The following SUGCT variants were observed in gnomAD, a reference collection of about 807,000 sequenced individuals.
The protein encoded by SUGCT is succinyl-CoA:glutarate CoA-transferase.
A neutral mutation model predicts 55.0 loss-of-function variants in SUGCT; 41 were observed. That is an observed-to-expected ratio of 0.74 (90% CI 0.58 to 0.97). The LOEUF (loss-of-function observed/expected upper bound fraction) is 0.97, where lower values mean the gene tolerates loss of function less well. SUGCT is among the 50% of genes least tolerant of loss of function. The pLI is 0.00. For missense variants in SUGCT, 568 were observed against 547.8 expected, an observed-to-expected ratio of 1.04 and a Z score of -0.37; for synonymous variants, 187 against 200.4, an observed-to-expected ratio of 0.93 and a Z score of 0.56.
chr7:40,754,840 T>C (rs1397920771), intron 13 of SUGCT, among the ~76,000 whole-genome samples: 1 of 152,236 alleles, frequency 6.6e-6, no homozygotes, highest in Non-Finnish European at 1.5e-5. Context: ...TTTAAATTTG[T>C]GTACATCATT....
chr7:40,805,402 T>C (rs1191451474), intron 13 of SUGCT, among the ~76,000 whole-genome samples: 1 of 152,146 alleles, frequency 6.6e-6, no homozygotes, highest in Admixed American at 6.5e-5. Flanking sequence ...TCTGGGTGTG[T>C]CCAAGGGCAG....
chr7:40,751,498 G>C (rs1788010379), intron 13 of SUGCT, among the ~76,000 whole-genome samples: 1 of 152,182 alleles, frequency 6.6e-6, no homozygotes. Flanking sequence ...ATAAGTCTTT[G>C]AGTATTAGAT....
chr7:40,461,100 T>A (rs1402552907), intron 11 of SUGCT, among the ~76,000 whole-genome samples: 1 of 152,226 alleles, frequency 6.6e-6, no homozygotes, highest in African/African-American at 2.4e-5. Context: ...AGCACGTCTC[T>A]CTTCCTCCAC....
the SUGCT span, among the ~76,000 whole-genome samples, chr7:41,017,634 G>A: frequency 6.6e-6 from 1 of 152,066 alleles, no homozygotes; most frequent in Non-Finnish European, 1.5e-5. Context: ...AGCCGGGCGT[G>A]GTGGCGGGTG....
the SUGCT span, among the ~76,000 whole-genome samples, chr7:41,017,777 A>AG: frequency 6.6e-6 from 1 of 151,668 alleles, no homozygotes; most frequent in Non-Finnish European, 1.5e-5. Context: ...TCTCAAAAAA[A>AG]AAAAAAAAGA....
intron 7 of SUGCT, among the ~76,000 whole-genome samples, chr7:40,248,160 C>T (rs375971360): frequency 4.6e-5 from 7 of 151,728 alleles, no homozygotes; most frequent in East Asian, 1.9e-4. Context: ...TACAGGCATG[C>T]GCCACCATGC....
intron 9 of SUGCT, chr7:40,388,075 A>G (rs1034865829): frequency 1.3e-5 from 2 of 152,222 alleles, no homozygotes; most frequent in Non-Finnish European, 2.9e-5. Context: ...TGTCGCTTAC[A>G]TGTCTGCACA....
intron 9 of SUGCT, among the ~76,000 whole-genome samples, chr7:40,329,594 A>G (rs1350855645): frequency 6.6e-6 from 1 of 152,182 alleles, no homozygotes; most frequent in African/African-American, 2.4e-5. Context: ...TCCTAGTGAC[A>G]CTGAGTAGTC....
chr7:40,188,161 C>A (rs190709227), intron 3 of SUGCT, among the ~76,000 whole-genome samples: 1 of 151,924 alleles, frequency 6.6e-6, no homozygotes, highest in African/African-American at 2.4e-5. Context: ...TGGATGGGCG[C>A]GGTGGCTCAC....
chr7:40,527,184 T>C (rs1405110071), intron 12 of SUGCT, among the ~76,000 whole-genome samples: 1 of 152,228 alleles, frequency 6.6e-6, no homozygotes, highest in African/African-American at 2.4e-5. Context: ...CCAAAAAGGT[T>C]CTGTGTGATC....
rs192423271 is a variant in SUGCT at position 40,280,741 on chromosome 7, T to C, written c.720+6085T>C. On this transcript the variant is annotated intron_variant, in intron 8 of 13. Coordinates refer to ENST00000335693, the MANE Select transcript of SUGCT (RefSeq NM_001193313.2). ...GTTTCTGCTTTTTTAAGCAACTCTGTATCATTTTTTTAAACAATTTTATTG... is the reference window on the plus strand; with the variant it reads ...GTTTCTGCTTTTTTAAGCAACTCTGCATCATTTTTTTAAACAATTTTATTG... Among the ~76,000 whole-genome samples the C allele has an allele frequency of 2.0e-5, 3 of 152,332 alleles. No homozygotes were observed. In the East Asian group the frequency reaches 5.8e-4, roughly 29 times the overall value.
chr7:40,663,410 G>C (rs1016343955), intron 12 of SUGCT, among the ~76,000 whole-genome samples: 2 of 149,500 alleles, frequency 1.3e-5, no homozygotes, highest in Admixed American at 1.3e-4. Context: ...TTCTCTCGTT[G>C]GTCTCCATCT....
intron 13 of SUGCT, among the ~76,000 whole-genome samples, chr7:40,837,298 G>A (rs1793037583): frequency 6.6e-6 from 1 of 152,056 alleles, no homozygotes. Flanking sequence ...TTTTACTCGA[G>A]TTTTGAGAAA....
At chr7:40,966,848 C>G in the SUGCT span, 3 of 152,164 alleles carry the variant, frequency 2.0e-5, no homozygotes, top group Non-Finnish European at 4.4e-5. Context: ...GAAAATGACT[C>G]ATGGTTTGGT....
intron 3 of SUGCT, among the ~76,000 whole-genome samples, chr7:40,183,905 G>A (rs1785353915): frequency 6.6e-6 from 1 of 152,142 alleles, no homozygotes. Context: ...CGGGCATGGT[G>A]GTTCACGCCT....
At chr7:40,806,874 G>A (rs1791125244) in intron 13 of SUGCT, among the ~76,000 whole-genome samples, 1 of 152,178 alleles carries the variant, frequency 6.6e-6, no homozygotes, top group African/African-American at 2.4e-5. Context: ...GTATCTCAGA[G>A]GATGCAGCAT....
At chr7:40,853,307 ATTTG>A (rs1239414038) in intron 13 of SUGCT, among the ~76,000 whole-genome samples, 1 of 152,162 alleles carries the variant, frequency 6.6e-6, no homozygotes, top group African/African-American at 2.4e-5. Flanking sequence ...GTTAGCAATT[ATTTG>A]TTCAACAAAT....
At chr7:40,594,099 C>T (rs1199097366) in intron 12 of SUGCT, among the ~76,000 whole-genome samples, 1 of 151,946 alleles carries the variant, frequency 6.6e-6, no homozygotes, top group Non-Finnish European at 1.5e-5. Context: ...ACCGCATATT[C>T]TCAGTCATAG....
intron 12 of SUGCT, among the ~76,000 whole-genome samples, chr7:40,550,977 CTCTTG>C (rs895179549): frequency 6.6e-6 from 1 of 152,156 alleles, no homozygotes; most frequent in African/African-American, 2.4e-5. Flanking sequence ...CTTCTCTTTT[CTCTTG>C]TCTTGTCAGG....
Sources: gnomAD v4.1 joint callset for allele counts (sites outside exome capture counted in the v4.1 genomes callset) on GRCh38, gnomAD v4.1.1 for gene constraint, MANE v1.5 for transcripts, NCBI Gene and HGNC (gene_info 2026-07-23, HGNC 2026-07-21) for gene names.